PDZD2: variants seen among roughly 807,000 people sequenced by gnomAD.
The protein encoded by PDZD2 is PDZ domain containing 2.
PDZD2 carries 90 observed loss-of-function variants against 220.7 expected under a neutral mutation model. That is an observed-to-expected ratio of 0.41 (90% CI 0.34 to 0.49). PDZD2 has a LOEUF of 0.49. PDZD2 is among the 20% of genes least tolerant of loss of function. The probability of loss-of-function intolerance (pLI) is 0.28; values close to 1 mark genes in which losing one functional copy is unlikely to be tolerated. For synonymous variants in PDZD2, 1,375 were observed against 1,450.5 expected, an observed-to-expected ratio of 0.95 and a Z score of 1.18; for missense variants, 3,174 against 3,608.5, an observed-to-expected ratio of 0.88 and a Z score of 3.08.
chr5:31,847,431 G>C (rs149466161), intron 2 of PDZD2: 1 of 532,074 alleles, frequency 1.9e-6, no homozygotes, highest in Admixed American at 2.2e-5. Flanking sequence ...ATGAGAGTTC[G>C]CGTAACAGAG....
intron 6 of PDZD2, among the ~76,000 whole-genome samples, chr5:32,012,618 G>T (rs999854292): frequency 6.6e-6 from 1 of 151,810 alleles, no homozygotes; most frequent in African/African-American, 2.4e-5. Flanking sequence ...GAACTCCTGA[G>T]CTCAGGCAAT....
At chr5:32,020,235 C>T (rs1754093447) in intron 6 of PDZD2, among the ~76,000 whole-genome samples, 1 of 152,038 alleles carries the variant, frequency 6.6e-6, no homozygotes, top group Non-Finnish European at 1.5e-5. Context: ...AAACTCCTGA[C>T]CTCGTGATCC....
At chr5:31,834,367 AG>A (rs1320520922) in intron 2 of PDZD2, among the ~76,000 whole-genome samples, 1 of 152,198 alleles carries the variant, frequency 6.6e-6, no homozygotes, top group Non-Finnish European at 1.5e-5. Flanking sequence ...CTGCCTGAAG[AG>A]GGTTCCTGGA....
chr5:31,679,719 A>G (rs1746578328), intron 1 of PDZD2, among the ~76,000 whole-genome samples: 2 of 152,156 alleles, frequency 1.3e-5, no homozygotes, highest in African/African-American at 2.4e-5. Flanking sequence ...CATGCTGGCC[A>G]GGCTGGTCCC....
At chr5:32,057,076 T>G (rs1267039428) in intron 10 of PDZD2, among the ~76,000 whole-genome samples, 1 of 152,128 alleles carries the variant, frequency 6.6e-6, no homozygotes, top group East Asian at 1.9e-4. Flanking sequence ...CCTGGGTGAC[T>G]GAGCCAGAGC....
At chr5:31,697,965 C>T (rs918273368) in intron 1 of PDZD2, among the ~76,000 whole-genome samples, 16 of 151,696 alleles carry the variant, frequency 1.1e-4, no homozygotes, top group East Asian at 5.9e-4. Flanking sequence ...TGCAGTGGCG[C>T]GATCTTGGCT....
chr5:31,803,565 G>T (rs889057587), intron 2 of PDZD2, among the ~76,000 whole-genome samples: 7 of 152,018 alleles, frequency 4.6e-5, no homozygotes, highest in Admixed American at 3.9e-4. Flanking sequence ...TTGAGGCAGG[G>T]AGAATATTGG....
chr5:32,059,157 T>C, intron 12 of PDZD2, 82 bp from the exon 13 acceptor site: 1 of 731,524 alleles, frequency 1.4e-6, no homozygotes, highest in South Asian at 1.6e-5. Flanking sequence ...TAGATATTAA[T>C]TCTGTTTCAA....
At chr5:32,059,453 T>C (rs1052649676) in intron 13 of PDZD2, 97 bp downstream of exon 13, 25 of 559,758 alleles carry the variant, frequency 4.5e-5, no homozygotes, top group South Asian at 2.4e-4. Flanking sequence ...TTGAGGGATG[T>C]TGAAGCTTTG....
At position 32,087,157 on chromosome 5, in the gene PDZD2, T is replaced by C. The variant is rs1300875120; in HGVS notation, c.3709T>C (p.Ser1237Pro). Residue 1237 changes from serine to proline, a missense_variant, in exon 20 of 25, where the codon TCT becomes CCT. Around this residue, in one of 4 missense-constraint regions of PDZD2, gnomAD observed 1,861 missense variants for 2,001.0 expected, o/e 0.93. Transcript: ENST00000438447. The surrounding 1 kb of genome is among the most constrained non-coding windows in gnomAD (Gnocchi z 4.0). ...TELDSSSDLI[S>P]SPGKKGAAHP... ...ACTGGACAGCTCCTCAGACCTCATCTCTTCCCCAGGGAAGAAGGGGGCCGC... is the reference window on the plus strand; with the variant it reads ...ACTGGACAGCTCCTCAGACCTCATCCCTTCCCCAGGGAAGAAGGGGGCCGC... 6.2e-7 allele frequency: 1 copy of C among 1,612,854 alleles called. No homozygotes were observed. The highest frequency in any genetic ancestry group is 1.7e-5 in the Admixed American group (1 of 60,010).
intron 1 of PDZD2, among the ~76,000 whole-genome samples, chr5:31,699,812 G>A (rs56276106): frequency 0.054 from 7,854 of 145,604 alleles, 293 homozygotes; most frequent in African/African-American, 0.11. Context: ...TGGTATTTTA[G>A]TAGAGATAGG....
At chr5:31,747,169 C>T (rs1264473087) in intron 1 of PDZD2, among the ~76,000 whole-genome samples, 1 of 152,118 alleles carries the variant, frequency 6.6e-6, no homozygotes. Context: ...AGCAAGACTC[C>T]ATCTCAAAAT....
At chr5:31,746,003 A>G (rs1252586639) in intron 1 of PDZD2, among the ~76,000 whole-genome samples, 1 of 152,174 alleles carries the variant, frequency 6.6e-6, no homozygotes, top group Admixed American at 6.5e-5. Flanking sequence ...GCCACTGCAT[A>G]GATTGTTTCT....
chr5:31,802,539 C>G (rs1754451386), intron 2 of PDZD2, among the ~76,000 whole-genome samples: 1 of 148,310 alleles, frequency 6.7e-6, no homozygotes, highest in Non-Finnish European at 1.5e-5. Flanking sequence ...GAGAAAATGT[C>G]AGGGAATAGA....
chr5:31,965,135 T>G (rs1272164613), intron 2 of PDZD2, among the ~76,000 whole-genome samples: 1 of 151,930 alleles, frequency 6.6e-6, no homozygotes, highest in Non-Finnish European at 1.5e-5. Flanking sequence ...CGGACACACG[T>G]GGAGTGGTTT....
intron 4 of PDZD2, among the ~76,000 whole-genome samples, chr5:31,997,134 A>T (rs111231117): frequency 3.3e-5 from 5 of 152,292 alleles, no homozygotes; most frequent in African/African-American, 1.2e-4. Context: ...AGGCATATAA[A>T]AGGAGAGTTT....
chr5:31,802,928 A>G (rs1435360166), intron 2 of PDZD2, among the ~76,000 whole-genome samples: 1 of 150,044 alleles, frequency 6.7e-6, no homozygotes, highest in Non-Finnish European at 1.5e-5. Context: ...TCAAAAAAAA[A>G]AAAAAAAAAA....
intron 2 of PDZD2, among the ~76,000 whole-genome samples, chr5:31,814,168 A>G (rs1755291713): frequency 6.6e-6 from 1 of 152,236 alleles, no homozygotes; most frequent in African/African-American, 2.4e-5. Context: ...AGTTAAAACA[A>G]TGGTTTATGG....
intron 7 of PDZD2, among the ~76,000 whole-genome samples, chr5:32,043,706 C>T (rs1164119855): frequency 6.6e-6 from 1 of 152,216 alleles, no homozygotes; most frequent in Non-Finnish European, 1.5e-5. Context: ...CAGCTCACCA[C>T]AACCTCCGCC....
Sources: allele counts gnomAD v4.1 joint callset (sites outside exome capture counted in the v4.1 genomes callset), GRCh38; gene constraint gnomAD v4.1.1; regional missense constraint gnomAD v4.1.1; non-coding constraint Gnocchi (gnomAD v3.1); transcripts MANE v1.5; gene names NCBI Gene and HGNC (gene_info 2026-07-23, HGNC 2026-07-21).